The following ADCY5 variants were observed in gnomAD, a reference collection of about 807,000 sequenced individuals.
The protein encoded by ADCY5 is adenylate cyclase 5, also known as adenylate cyclase type 5.
ADCY5 carries 30 observed loss-of-function variants against 119.7 expected under a neutral mutation model. That is an observed-to-expected ratio of 0.25 (90% CI 0.19 to 0.34). The LOEUF (loss-of-function observed/expected upper bound fraction) is 0.34, where lower values mean the gene tolerates loss of function less well. Among genes scored for constraint, ADCY5 ranks in the 10% least tolerant of loss-of-function variants. The pLI is 1.00. For missense variants in ADCY5, 1,324 were observed against 1,775.2 expected (o/e 0.75, Z 4.57); for synonymous variants, 753 against 762.2 (o/e 0.99, Z 0.20).
rs116659644 is a variant in ADCY5, at chr3:123,332,498, G to T, written c.1518+66C>A. On this transcript the variant is annotated intron_variant, in intron 4 of 20. Transcript: ENST00000462833. ...CATCCCTGGGGTTCAGCAGGTCCTC[G>T]ACCACAGCAGCCTCCCTCAACAGCC... 4.8e-6 allele frequency: 6 copies of T among 1,252,410 alleles called. No homozygotes were observed. In the South Asian group the frequency reaches 5.1e-5, roughly 11 times the overall value. The allele number at this position is 1,252,410 out of a possible 1,614,324, so 77.6% of individuals were successfully genotyped here.
At chr3:123,436,523 T>A (rs983818199) in intron 1 of ADCY5, among the ~76,000 whole-genome samples, 8 of 151,980 alleles carry the variant, frequency 5.3e-5, no homozygotes, top group Non-Finnish European at 8.8e-5. Flanking sequence ...CTGGCCAACA[T>A]GCCAAAATCC....
At chr3:123,308,256 C>G (rs1489819691) in intron 12 of ADCY5, among the ~76,000 whole-genome samples, 1 of 151,754 alleles carries the variant, frequency 6.6e-6, no homozygotes, top group Non-Finnish European at 1.5e-5. Context: ...CCAGGATGGT[C>G]TTGATCTGCT....
At chr3:123,367,852 A>T in intron 1 of ADCY5, 1 of 1,070,240 alleles carries the variant, frequency 9.3e-7, no homozygotes, top group Non-Finnish European at 1.3e-6. Context: ...AATCCAGAAG[A>T]AAAAAAAAAA....
rs764340902 is a variant in ADCY5, at chr3:123,286,700, T to C, written c.3642A>G (p.Val1214=). ...CTGCACTCACCTGGATGCGGTCGGGTACACCGGTGCTGTCCATGCGGCTGG... is the reference window on the plus strand; with the variant it reads ...CTGCACTCACCTGGATGCGGTCGGGCACACCGGTGCTGTCCATGCGGCTGG... ...NVASRMDSTG[V]PDRIQVTTDM... Residue 1214 remains valine (V), a synonymous_variant, in exon 20 of 21, where the codon GTA becomes GTG. Transcript: ENST00000462833. This position sits in a 1 kb window ranked among gnomAD's most constrained non-coding sequence, Gnocchi z 4.2. 40 of 1,612,180 alleles carry C rather than the reference T, an allele frequency of 2.5e-5. No individual in the cohort carries two copies. The highest frequency in any genetic ancestry group is 3.1e-5 in the Non-Finnish European group (37 of 1,179,196).
At chr3:123,317,460 C>A (rs1184722768) in intron 11 of ADCY5, among the ~76,000 whole-genome samples, 2 of 151,836 alleles carry the variant, frequency 1.3e-5, no homozygotes, top group African/African-American at 2.4e-5. Flanking sequence ...CTTGACCAGG[C>A]GTGGTGGCTC....
intron 1 of ADCY5, among the ~76,000 whole-genome samples, chr3:123,423,898 A>T (rs188791341): frequency 4.6e-5 from 7 of 152,302 alleles, no homozygotes; most frequent in Middle Eastern, 3.4e-3. Flanking sequence ...AGTGGCAGGG[A>T]GCACCGTTCC....
chr3:123,310,162 G>A (rs1940478338), intron 12 of ADCY5, among the ~76,000 whole-genome samples: 1 of 135,260 alleles, frequency 7.4e-6, no homozygotes, highest in South Asian at 2.6e-4. Flanking sequence ...CTACGCAGCT[G>A]AGTTCCCCCA....
chr3:123,365,148 G>A (rs2107515220), intron 1 of ADCY5, among the ~76,000 whole-genome samples: 1 of 152,226 alleles, frequency 6.6e-6, no homozygotes, highest in East Asian at 1.9e-4. Flanking sequence ...AGTAGAGATA[G>A]GGTTTCACCA....
chr3:123,428,627 TCA>T (rs971392658), intron 1 of ADCY5, among the ~76,000 whole-genome samples: 1 of 152,198 alleles, frequency 6.6e-6, no homozygotes, highest in African/African-American at 2.4e-5. Context: ...CTTCTGTCTC[TCA>T]GAGGGGCCTG....
At chr3:123,311,827 CG>C (rs1404326044) in intron 12 of ADCY5, among the ~76,000 whole-genome samples, 1 of 151,998 alleles carries the variant, frequency 6.6e-6, no homozygotes, top group African/African-American at 2.4e-5. Flanking sequence ...GGGTAGAGGG[CG>C]GGTATTCCAT....
chr3:123,425,423 C>A (rs1945386368), intron 1 of ADCY5, among the ~76,000 whole-genome samples: 1 of 152,234 alleles, frequency 6.6e-6, no homozygotes, highest in African/African-American at 2.4e-5. Flanking sequence ...AGGCTCAGAG[C>A]TCTCTCAGCA....
chr3:123,400,086 G>A (rs1316248007), intron 1 of ADCY5, among the ~76,000 whole-genome samples: 1 of 152,176 alleles, frequency 6.6e-6, no homozygotes, highest in Non-Finnish European at 1.5e-5. Flanking sequence ...TCTGCAATAG[G>A]AGGGACTGGG....
intron 7 of ADCY5, among the ~76,000 whole-genome samples, chr3:123,326,059 CTG>C (rs1941469622): frequency 6.6e-6 from 1 of 152,196 alleles, no homozygotes; most frequent in Non-Finnish European, 1.5e-5. Flanking sequence ...GGGGCCTGAT[CTG>C]AAGTTGCCCA....
At chr3:123,445,606 C>G (rs1945800161) in intron 1 of ADCY5, among the ~76,000 whole-genome samples, 1 of 152,194 alleles carries the variant, frequency 6.6e-6, no homozygotes, top group Non-Finnish European at 1.5e-5. Flanking sequence ...TTTATAAGCA[C>G]TAACAATGGT....
chr3:123,391,018 G>C (rs1944387801), intron 1 of ADCY5, among the ~76,000 whole-genome samples: 1 of 152,264 alleles, frequency 6.6e-6, no homozygotes, highest in Non-Finnish European at 1.5e-5. Context: ...TGCTGACCCA[G>C]CCTTGGGCAG....
chr3:123,291,276 C>A lies in ADCY5; in HGVS notation c.3164G>T (p.Arg1055Leu). Reference protein sequence around the residue: ...PKDVAAHFLARERRNDELYYQ... With the variant: ...PKDVAAHFLALERRNDELYYQ... Reference sequence around the variant, plus strand: ...GTAGAGCTCATCATTGCGCCGCTCGCGGGCCAGGAAGTGAGCGGCCACGTC... The same window carrying A: ...GTAGAGCTCATCATTGCGCCGCTCGAGGGCCAGGAAGTGAGCGGCCACGTC... Residue 1055 changes from arginine (R) to leucine (L), a missense_variant, in exon 18 of 21, where the codon CGC becomes CTC. By Grantham distance (102) the Arg-to-Leu change is moderately radical (BLOSUM62 -2). Transcript: ENST00000462833. The A allele has an allele frequency of 6.2e-7, 1 of 1,613,986 alleles. No individual in the cohort carries two copies. Among genetic ancestry groups the A allele is most frequent in the Non-Finnish European group, 8.5e-7 (1 of 1,180,042 alleles).
chr3:123,290,065 GCT>G, intron 18 of ADCY5, 111 bp from the exon 19 acceptor site: 2 of 1,061,066 alleles, frequency 1.9e-6, no homozygotes, highest in Non-Finnish European at 2.8e-6. Context: ...TCATGTGTCC[GCT>G]CTTCACACAG....
At chr3:123,426,630 C>T (rs1047617145) in intron 1 of ADCY5, among the ~76,000 whole-genome samples, 2 of 152,096 alleles carry the variant, frequency 1.3e-5, no homozygotes, top group Non-Finnish European at 2.9e-5. Context: ...TGCGCCTGGC[C>T]AGAGCTGACA....
intron 1 of ADCY5, among the ~76,000 whole-genome samples, chr3:123,409,763 C>T (rs907479968): frequency 7.2e-5 from 11 of 152,168 alleles, no homozygotes; most frequent in Non-Finnish European, 1.6e-4. Flanking sequence ...TCACCTGCTT[C>T]CTTAACAGAG....
Sources: gnomAD v4.1 joint callset for allele counts (sites outside exome capture counted in the v4.1 genomes callset) on GRCh38, gnomAD v4.1.1 for gene constraint, Gnocchi (gnomAD v3.1) non-coding constraint, MANE v1.5 for transcripts, NCBI Gene and HGNC (gene_info 2026-07-23, HGNC 2026-07-21) for gene names.